Variants in DNAI2 observed in about 807,000 individuals in gnomAD.
DNAI2 encodes dynein axonemal intermediate chain 2, also known as dynein, axonemal, intermediate polypeptide 2.
A neutral mutation model predicts 74.7 loss-of-function variants in DNAI2; 63 were observed. That is an observed-to-expected ratio of 0.84 (90% CI 0.69 to 1.04). The LOEUF (loss-of-function observed/expected upper bound fraction) is 1.04. DNAI2 is among the 50% of genes least tolerant of loss of function. The pLI is 0.00. For synonymous variants in DNAI2, 289 were observed against 314.9 expected (o/e 0.92, Z 0.87); for missense variants, 688 against 803.2 (o/e 0.86, Z 1.73).
At chr17:74,284,155 A>G (rs962440521) in intron 2 of DNAI2, among the ~76,000 whole-genome samples, 3 of 145,776 alleles carry the variant, frequency 2.1e-5, no homozygotes, top group Admixed American at 1.4e-4. Flanking sequence ...AAAAAAAAAA[A>G]GCTGTAGTGA....
intron 2 of DNAI2, 53 bp from the exon 3 acceptor site, chr17:74,284,987 G>C (rs995013050): frequency 6.2e-7 from 1 of 1,612,428 alleles, no homozygotes; most frequent in Non-Finnish European, 8.5e-7. Context: ...AAGTGGCCGA[G>C]GGTTTGGGAG....
chr17:74,290,726 C>A (rs1327298667), intron 5 of DNAI2, among the ~76,000 whole-genome samples: 2 of 152,182 alleles, frequency 1.3e-5, no homozygotes, highest in Non-Finnish European at 2.9e-5. Flanking sequence ...GTATCAAAAC[C>A]TCGTTTCACA....
chr17:74,284,883 A>G lies in DNAI2; in HGVS notation c.184-157A>G, dbSNP rs148290308. Among the ~76,000 whole-genome samples, 702 of 152,316 alleles carry G rather than the reference A, an allele frequency of 4.6e-3. 2 individuals are homozygous for G. Among genetic ancestry groups the G allele is most frequent in the African/African-American group, 0.016 (649 of 41,570 alleles). ...AGCTACCTGTGCCCACCTGATCACCAGGAATTTCCTTGCCTGCATTTGAAA... is the reference window on the plus strand; with the variant it reads ...AGCTACCTGTGCCCACCTGATCACCGGGAATTTCCTTGCCTGCATTTGAAA... On this transcript the variant is annotated intron_variant, in intron 2 of 13. Transcript: ENST00000311014.
chr17:74,296,468 A>T (rs967868153), intron 6 of DNAI2, among the ~76,000 whole-genome samples: 2 of 152,098 alleles, frequency 1.3e-5, no homozygotes, highest in Non-Finnish European at 2.9e-5. Context: ...GGCCTCAAGC[A>T]GTCCTGCCTC....
In DNAI2 at chr17:74,292,904, A is replaced by C. The variant is rs377616393; in HGVS notation, c.724+1771A>C. ...GAGTGCAGTGGCGCGATCTTGGCCC[A>C]CTGCAAGCTCTGCCTCCTGGGTTCA... On this transcript the variant is annotated intron_variant, in intron 6 of 13. Coordinates refer to ENST00000311014, the MANE Select transcript of DNAI2 (RefSeq NM_023036.6). Among the ~76,000 whole-genome samples, 30 of 148,866 alleles carry C rather than the reference A, an allele frequency of 2.0e-4. 1 individual carries two copies. The East Asian group carries it at 2.8e-3, about 14-fold the overall frequency.
intron 9 of DNAI2, among the ~76,000 whole-genome samples, chr17:74,307,651 A>G (rs1333788993): frequency 6.6e-6 from 1 of 152,066 alleles, no homozygotes; most frequent in Non-Finnish European, 1.5e-5. Context: ...CGACAGAGTG[A>G]GACTCCGTCT....
chr17:74,298,675 T>C (rs1198435979), intron 6 of DNAI2, among the ~76,000 whole-genome samples: 2 of 152,118 alleles, frequency 1.3e-5, no homozygotes, highest in Non-Finnish European at 1.5e-5. Flanking sequence ...CGATCATGGC[T>C]CACTGCAGCC....
chr17:74,307,843 G>A (rs2053277323), intron 9 of DNAI2, among the ~76,000 whole-genome samples: 1 of 151,998 alleles, frequency 6.6e-6, no homozygotes. Context: ...TGTTGCCCAG[G>A]CTGGAGTGCA....
chr17:74,295,937 G>A (rs1050878416), intron 6 of DNAI2, among the ~76,000 whole-genome samples: 1 of 152,154 alleles, frequency 6.6e-6, no homozygotes, highest in Non-Finnish European at 1.5e-5. Flanking sequence ...GTGCGTGTGT[G>A]AGCATGCCTT....
At chr17:74,314,307 C>T in intron 13 of DNAI2, 36 bp downstream of exon 13, 1 of 1,602,246 alleles carries the variant, frequency 6.2e-7, no homozygotes, top group East Asian at 2.3e-5. Flanking sequence ...AGGCTGAGCT[C>T]CGCCTTAAAG....
At chr17:74,293,700 T>C (rs2052262103) in intron 6 of DNAI2, among the ~76,000 whole-genome samples, 1 of 151,542 alleles carries the variant, frequency 6.6e-6, no homozygotes, top group Admixed American at 6.6e-5. Flanking sequence ...CGAGACTCCA[T>C]CTCAAAAAAA....
At position 74,314,272 on chromosome 17, in the gene DNAI2, G is replaced by T. The variant is rs755651450; in HGVS notation, c.*55+1G>T. On this transcript the variant is annotated splice_donor_variant, in intron 13 of 13. Transcript: ENST00000311014. LOFTEE classifies it low-confidence loss of function (3UTR_SPLICE). The stretch of plus-strand genomic sequence containing the variant: ...GTGTGCCTTCCTTTCCCACCTCTTG[G>T]TATTGCCCCGCTCTCACAAGTGGGA... 6 of 1,610,728 alleles carry T rather than the reference G, an allele frequency of 3.7e-6. No individual in the cohort carries two copies. The highest frequency in any genetic ancestry group is 5.1e-6 in the Non-Finnish European group (6 of 1,177,900).
rs550941938 is a variant in DNAI2 at position 74,314,052 on chromosome 17, C to T, written c.1723-69C>T. On this transcript the variant is annotated intron_variant, in intron 12 of 13. Transcript: ENST00000311014. ...GCTGCTTTGGTCCTCGTGGGGTTCA[C>T]ATCCCAGGGGAGTGGGGAAGGCCTG... 47 of 1,610,310 alleles carry T rather than the reference C, an allele frequency of 2.9e-5. No homozygotes were observed. In the East Asian group the frequency reaches 6.3e-4, roughly 21 times the overall value.
At chr17:74,308,568 C>T (rs2053317486) in intron 9 of DNAI2, among the ~76,000 whole-genome samples, 1 of 152,062 alleles carries the variant, frequency 6.6e-6, no homozygotes, top group Non-Finnish European at 1.5e-5. Flanking sequence ...GTTGCCCAGG[C>T]TGGAGTACAG....
chr17:74,308,090 G>A (rs1006949102), intron 9 of DNAI2, among the ~76,000 whole-genome samples: 11 of 152,088 alleles, frequency 7.2e-5, no homozygotes, highest in African/African-American at 9.7e-5. Flanking sequence ...GAGCCACCGC[G>A]CCCGGCCCAG....
chr17:74,314,036 G>A, intron 12 of DNAI2, 85 bp from the exon 13 acceptor site: 1 of 1,605,208 alleles, frequency 6.2e-7, no homozygotes, highest in South Asian at 1.1e-5. Context: ...GGCTGCTTTG[G>A]TCCTCGTGGG....
intron 1 of DNAI2, among the ~76,000 whole-genome samples, chr17:74,279,456 TACACCTACTATGTA>T (rs2051273380): frequency 6.6e-6 from 1 of 152,042 alleles, no homozygotes; most frequent in South Asian, 2.1e-4. Context: ...CATAAATATA[TACACCTACTATGTA>T]ACCACAAAAA....
chr17:74,310,460 T>C (rs1488498544), intron 11 of DNAI2, among the ~76,000 whole-genome samples: 1 of 136,306 alleles, frequency 7.3e-6, no homozygotes, highest in Non-Finnish European at 1.6e-5. Flanking sequence ...CAAATAACAC[T>C]TTTTTTTTTT....
Position 74,310,170 on chromosome 17 carries a change from AC to A in DNAI2, c.1494+9del. Reference sequence around the variant, plus strand: ...GAAGAACGTAGCCTCTTCCGTAAGCACCGGGTGCCTGGGGAAAATCCCTCCA... The same window carrying A: ...GAAGAACGTAGCCTCTTCCGTAAGCACGGGTGCCTGGGGAAAATCCCTCCA... On this transcript the variant is annotated splice_region_variant and intron_variant, in intron 11 of 13. Transcript: ENST00000311014. 1 of 1,613,108 alleles carries A rather than the reference AC, an allele frequency of 6.2e-7. No homozygotes were observed. The highest frequency in any genetic ancestry group is 8.5e-7 in the Non-Finnish European group (1 of 1,179,974).
Sources: allele counts gnomAD v4.1 joint callset (sites outside exome capture counted in the v4.1 genomes callset), GRCh38; gene constraint gnomAD v4.1.1; transcripts MANE v1.5; gene names NCBI Gene and HGNC (gene_info 2026-07-23, HGNC 2026-07-21).